THSD1: variants seen among roughly 807,000 people sequenced by gnomAD.
The protein encoded by THSD1 is thrombospondin type 1 domain containing 1.
A neutral mutation model predicts 46.3 loss-of-function variants in THSD1; 34 were observed. The ratio of observed to expected loss-of-function variants is 0.74; its 90% CI spans 0.56 to 0.98. The LOEUF is 0.98. Ranked by LOEUF, THSD1 falls within the 50% of genes least tolerant of loss-of-function variation. The probability of loss-of-function intolerance (pLI) is 0.00; values close to 1 mark genes in which losing one functional copy is unlikely to be tolerated. For missense variants in THSD1, 1,023 were observed against 1,058.3 expected (o/e 0.97, Z 0.46); for synonymous variants, 407 against 416.5 (o/e 0.98, Z 0.28).
chr13:52,391,794 C>T (rs1046315203), intron 3 of THSD1, among the ~76,000 whole-genome samples: 4 of 151,972 alleles, frequency 2.6e-5, no homozygotes, highest in African/African-American at 7.2e-5. Flanking sequence ...TCACCCACCT[C>T]GGCCTCTCAA....
intron 3 of THSD1, among the ~76,000 whole-genome samples, chr13:52,390,030 C>T (rs767658774): frequency 1.3e-4 from 20 of 151,730 alleles, no homozygotes; most frequent in Non-Finnish European, 1.5e-4. Context: ...GTACCAGCTA[C>T]TCGGGAGACT....
At position 52,397,639 on chromosome 13, in the gene THSD1, C is replaced by T. The variant is rs1037354515; in HGVS notation, c.614G>A (p.Gly205Asp). The change falls in exon 3 of 5, where the codon GGC becomes GAC. Residue 205 changes from glycine to aspartate, a missense_variant. Physicochemically the swap from Gly to Asp is moderately conservative, Grantham distance 94. This residue lies in a region of THSD1 where 429 missense variants were observed against 518.3 expected (regional missense o/e 0.83). Coordinates refer to ENST00000258613, the MANE Select transcript of THSD1 (RefSeq NM_018676.4). Reference sequence around the variant, plus strand: ...GGCTTCTGGCCCCAAGGGTGCACAGCCAAACTCAACCCACTGACCTTGAGC... The same window carrying T: ...GGCTTCTGGCCCCAAGGGTGCACAGTCAAACTCAACCCACTGACCTTGAGC... ...ELAQGQWVEF[G>D]CAPLGPEAYV... is the part of the protein sequence containing the mutation. The T allele has an allele frequency of 2.5e-6, 4 of 1,614,030 alleles. No homozygotes were observed. In the African/African-American group the frequency reaches 5.3e-5, roughly 22 times the overall value.
rs1397409342 is a variant in THSD1, at chr13:52,392,124, G to A, written c.1021+5108C>T. ...GGAGAATGGCGTTAACCCAGGAGACGGAGCTTGCGGTGAGCCGAGATCGCG... is the reference window on the plus strand; with the variant it reads ...GGAGAATGGCGTTAACCCAGGAGACAGAGCTTGCGGTGAGCCGAGATCGCG... On this transcript the variant is annotated intron_variant, in intron 3 of 4. Transcript: ENST00000258613. 2.0e-5 allele frequency among the ~76,000 whole-genome samples: 3 copies of A among 148,778 alleles called. No homozygotes were observed. The East Asian group carries it at 6.1e-4, about 30-fold the overall frequency.
chr13:52,381,813 A>T (rs535617625), intron 4 of THSD1, among the ~76,000 whole-genome samples: 17 of 152,166 alleles, frequency 1.1e-4, no homozygotes, highest in African/African-American at 4.1e-4. Flanking sequence ...ACGCTCTCAG[A>T]CCTATCTTGC....
intron 3 of THSD1, among the ~76,000 whole-genome samples, chr13:52,389,733 C>T (rs947401596): frequency 1.3e-5 from 2 of 152,058 alleles, no homozygotes; most frequent in Non-Finnish European, 2.9e-5. Flanking sequence ...AACACCGGAG[C>T]TTCAAAATAC....
At chr13:52,391,691 G>A (rs540524608) in intron 3 of THSD1, among the ~76,000 whole-genome samples, 9 of 151,786 alleles carry the variant, frequency 5.9e-5, no homozygotes, top group African/African-American at 9.7e-5. Flanking sequence ...CTACAGGCAC[G>A]TGCCACCATG....
intron 4 of THSD1, among the ~76,000 whole-genome samples, chr13:52,380,183 G>A (rs1159475400): frequency 6.6e-6 from 1 of 152,004 alleles, no homozygotes; most frequent in Non-Finnish European, 1.5e-5. Flanking sequence ...GCCTCCACCT[G>A]TACTGCCACC....
At position 52,403,758 on chromosome 13, in the gene THSD1, G is replaced by C. The variant is rs140043580; in HGVS notation, c.-81-1077C>G. The stretch of plus-strand genomic sequence containing the variant: ...CTCCCAAAGTGCTGGGATTACAGGC[G>C]TAAGCCACCGCACCCGGCTGGAAAA... On this transcript the variant is annotated intron_variant, in intron 1 of 4. Transcript: ENST00000258613. Among the ~76,000 whole-genome samples the C allele has an allele frequency of 2.6e-3, 403 of 152,124 alleles. 1 individual carries two copies. The highest frequency in any genetic ancestry group is 4.9e-3 in the Non-Finnish European group (336 of 68,008).
At chr13:52,399,418 G>C (rs553623891) in intron 2 of THSD1, among the ~76,000 whole-genome samples, 1 of 152,258 alleles carries the variant, frequency 6.6e-6, no homozygotes, top group African/African-American at 2.4e-5. Context: ...ACAACTTGTG[G>C]AAGTATGAAT....
Position 52,397,456 on chromosome 13 carries a change from G to A in THSD1, c.797C>T (p.Thr266Ile), listed in dbSNP as rs766482662. The change falls in exon 3 of 5, where the codon ACC becomes ATC. Residue 266 changes from threonine to isoleucine, a missense_variant. By Grantham distance (89) the Thr-to-Ile change is moderately conservative. This residue lies in a region of THSD1 where 429 missense variants were observed against 518.3 expected (regional missense o/e 0.83). Coordinates refer to ENST00000258613, the MANE Select transcript of THSD1 (RefSeq NM_018676.4). ...VEVTVLPPPCTFVQGVVTVFK... is the reference protein window; with the variant it reads ...VEVTVLPPPCIFVQGVVTVFK... ...GACAGTGACCACTCCTTGGACGAAG[G>A]TGCATGGTGGAGGCAGCACTGTCAC... The A allele has an allele frequency of 6.2e-7, 1 of 1,614,118 alleles. No individual in the cohort carries two copies. Among genetic ancestry groups the A allele is most frequent in the Non-Finnish European group, 8.5e-7 (1 of 1,180,034 alleles).
At chr13:52,388,653 G>T (rs573850718) in intron 3 of THSD1, among the ~76,000 whole-genome samples, 1 of 152,020 alleles carries the variant, frequency 6.6e-6, no homozygotes, top group Non-Finnish European at 1.5e-5. Context: ...CTAACTTATG[G>T]TATTTTTAGT....
intron 3 of THSD1, 110 bp from the exon 4 acceptor site, chr13:52,386,296 A>T: frequency 8.9e-7 from 1 of 1,118,230 alleles, no homozygotes. Flanking sequence ...AAAGCCCGTG[A>T]GTTAAAGCGT....
chr13:52,377,934 G>C lies in THSD1; in HGVS notation c.2036C>G (p.Pro679Arg). Residue 679 changes from proline to arginine, a missense_variant, in exon 5 of 5, where the codon CCT (proline) becomes CGT (arginine). Physicochemically the swap from Pro to Arg is moderately radical, Grantham distance 103. Coordinates refer to ENST00000258613, the MANE Select transcript of THSD1 (RefSeq NM_018676.4). ...SMSTLTPRQAPAYSSRTRTCE... is the reference protein window; with the variant it reads ...SMSTLTPRQARAYSSRTRTCE... ...GGTCCGCGTCCTAGAGCTGTAGGCA[G>C]GGGCCTGCCGTGGAGTCAGAGTGGA... 6.2e-7 allele frequency: 1 copy of C among 1,614,138 alleles called. No individual in the cohort carries two copies. The highest frequency in any genetic ancestry group is 8.5e-7 in the Non-Finnish European group (1 of 1,180,030).
At chr13:52,397,024 A>G (rs923933274) in intron 3 of THSD1, among the ~76,000 whole-genome samples, 4 of 152,150 alleles carry the variant, frequency 2.6e-5, no homozygotes, top group Non-Finnish European at 5.9e-5. Flanking sequence ...CCCCTATTTT[A>G]CTGATGGGGA....
chr13:52,400,817 C>T (rs1434072929), intron 2 of THSD1, among the ~76,000 whole-genome samples: 3 of 152,058 alleles, frequency 2.0e-5, no homozygotes, highest in Non-Finnish European at 4.4e-5. Flanking sequence ...TTTTCATATT[C>T]CAGTAAGAAA....
At position 52,378,596 on chromosome 13, in the gene THSD1, G is replaced by T. The variant is rs1377101410; in HGVS notation, c.1374C>A (p.Ser458Arg). 3 of 1,614,184 alleles carry T rather than the reference G, an allele frequency of 1.9e-6. No homozygotes were observed. Among genetic ancestry groups the T allele is most frequent in the Non-Finnish European group, 1.7e-6 (2 of 1,180,042 alleles). The change falls in exon 5 of 5, where the codon AGC (serine) becomes AGA (arginine). Residue 458 changes from serine to arginine, a missense_variant. Ser to Arg is a moderately radical substitution (Grantham distance 110). Transcript: ENST00000258613. Reference protein sequence around the residue: ...PARHNSIHSPSFRKNSDEENI... With the variant: ...PARHNSIHSPRFRKNSDEENI... The stretch of plus-strand genomic sequence containing the variant: ...TCTCCTCGTCCGAGTTCTTCCGGAA[G>T]CTGGGGGAGTGGATGGAGTTGTGTC...
chr13:52,379,184 G>A (rs1424012101), intron 4 of THSD1, among the ~76,000 whole-genome samples: 1 of 151,880 alleles, frequency 6.6e-6, no homozygotes, highest in Non-Finnish European at 1.5e-5. Context: ...TTCTAGTATT[G>A]TTTGCTCTGC....
At chr13:52,404,517 A>C (rs539559064) in intron 1 of THSD1, among the ~76,000 whole-genome samples, 5 of 152,212 alleles carry the variant, frequency 3.3e-5, no homozygotes, top group Non-Finnish European at 7.3e-5. Flanking sequence ...ACCCAAAAAA[A>C]AGAAAAGAAA....
intron 4 of THSD1, among the ~76,000 whole-genome samples, chr13:52,382,139 T>G (rs73486122): frequency 0.013 from 2,028 of 152,302 alleles, 30 homozygotes; most frequent in African/African-American, 0.039. Flanking sequence ...CTCTACTATC[T>G]CCATTGGCTG....
Sources: allele counts gnomAD v4.1 joint callset (sites outside exome capture counted in the v4.1 genomes callset), GRCh38; gene constraint gnomAD v4.1.1; regional missense constraint gnomAD v4.1.1; transcripts MANE v1.5; gene names NCBI Gene and HGNC (gene_info 2026-07-23, HGNC 2026-07-21).